The following LIN7A variants were observed in gnomAD, a reference collection of about 807,000 sequenced individuals.
LIN7A encodes the protein protein lin-7 homolog A.
Under a neutral mutation model 29.8 loss-of-function variants are expected in LIN7A, and 25 were observed. That is an observed-to-expected ratio of 0.84 (90% CI 0.61 to 1.17). LIN7A has a LOEUF of 1.17. Among genes scored for constraint, LIN7A ranks in the 50% most tolerant of loss-of-function variants. LIN7A has a pLI of 0.00. For missense variants in LIN7A, 239 were observed against 287.0 expected, an observed-to-expected ratio of 0.83 and a Z score of 1.21; for synonymous variants, 118 against 107.5, an observed-to-expected ratio of 1.10 and a Z score of -0.60.
intron 5 of LIN7A, among the ~76,000 whole-genome samples, chr12:80,805,515 C>T (rs957514186): frequency 6.6e-6 from 1 of 152,080 alleles, no homozygotes; most frequent in African/African-American, 2.4e-5. Context: ...ATTCTCCACC[C>T]TAGATCTAGC....
chr12:80,820,411 A>C (rs1871742190), intron 4 of LIN7A, among the ~76,000 whole-genome samples: 1 of 152,224 alleles, frequency 6.6e-6, no homozygotes, highest in South Asian at 2.1e-4. Flanking sequence ...GAAAACGAGC[A>C]AAAAAGCTTT....
At chr12:80,807,080 T>TTTTTTTTTTTTTTTTTTTTGTTTTTTG (rs1565883886) in intron 5 of LIN7A, among the ~76,000 whole-genome samples, 1 of 134,686 alleles carries the variant, frequency 7.4e-6, no homozygotes, top group African/African-American at 2.8e-5. Flanking sequence ...TTTTTTTTTT[T>TTTTTTTTTTTTTTTTTTTTGTTTTTTG]TTTTTTTTTT....
intron 1 of LIN7A, among the ~76,000 whole-genome samples, chr12:80,906,789 C>A (rs2120770204): frequency 1.3e-5 from 2 of 152,070 alleles, no homozygotes; most frequent in Middle Eastern, 6.8e-3. Context: ...AGCCATGTAA[C>A]AAACCTGCAT....
At chr12:80,801,355 G>T (rs932460041) in intron 5 of LIN7A, among the ~76,000 whole-genome samples, 2 of 152,148 alleles carry the variant, frequency 1.3e-5, no homozygotes, top group African/African-American at 2.4e-5. Flanking sequence ...TCAGAGAAAT[G>T]CAATGTGAGA....
intron 1 of LIN7A, among the ~76,000 whole-genome samples, chr12:80,913,985 C>G (rs775391966): frequency 6.6e-6 from 1 of 152,162 alleles, no homozygotes; most frequent in Non-Finnish European, 1.5e-5. Flanking sequence ...GTTGTTTCCC[C>G]CACATCTTAA....
chr12:80,907,402 T>C (rs917126063), intron 1 of LIN7A, among the ~76,000 whole-genome samples: 1 of 152,188 alleles, frequency 6.6e-6, no homozygotes, highest in Non-Finnish European at 1.5e-5. Flanking sequence ...TTCCTTTCAT[T>C]GTCATCCACT....
At chr12:80,876,120 G>C (rs1032567797) in intron 2 of LIN7A, among the ~76,000 whole-genome samples, 8 of 152,046 alleles carry the variant, frequency 5.3e-5, no homozygotes, top group African/African-American at 1.9e-4. Flanking sequence ...GAGACAGAGA[G>C]AGAGAGTGAC....
chr12:80,896,002 C>T (rs1875871870), intron 1 of LIN7A, among the ~76,000 whole-genome samples: 1 of 152,148 alleles, frequency 6.6e-6, no homozygotes, highest in African/African-American at 2.4e-5. Flanking sequence ...AGCTAGCTGC[C>T]AGGAGAGCAG....
chr12:80,811,628 T>C lies in LIN7A; in HGVS notation c.539A>G (p.Asp180Gly). The change falls in exon 5 of 6, where the codon GAC (aspartate) becomes GGC (glycine). Residue 180 changes from aspartate (D) to glycine (G), a missense_variant. Coordinates refer to ENST00000552864, the MANE Select transcript of LIN7A (RefSeq NM_004664.4). ...GTATCGCACCACCAGCTTGACGCTG[T>C]CTTTAGCAGCCTTGAGTAGTTCCAC... is the stretch of plus-strand genomic sequence containing the variant. ...KAVELLKAAK[D>G]SVKLVVRYTP... The C allele has an allele frequency of 6.2e-7, 1 of 1,614,074 alleles. No individual in the cohort carries two copies. Among genetic ancestry groups the C allele is most frequent in the Non-Finnish European group, 8.5e-7 (1 of 1,179,940 alleles).
chr12:80,801,773 CTT>C (rs1276651032), intron 5 of LIN7A, among the ~76,000 whole-genome samples: 1 of 152,116 alleles, frequency 6.6e-6, no homozygotes, highest in Non-Finnish European at 1.5e-5. Flanking sequence ...ATCACTAAAG[CTT>C]ATTCCTCCTG....
At chr12:80,823,915 A>G (rs1045305392) in intron 4 of LIN7A, among the ~76,000 whole-genome samples, 3 of 152,200 alleles carry the variant, frequency 2.0e-5, no homozygotes, top group African/African-American at 7.2e-5. Flanking sequence ...TGCCTACATC[A>G]AAAAGTCTGA....
chr12:80,834,747 A>G (rs1872533993), intron 4 of LIN7A, among the ~76,000 whole-genome samples: 1 of 152,226 alleles, frequency 6.6e-6, no homozygotes, highest in Non-Finnish European at 1.5e-5. Context: ...TCTGATTGCC[A>G]TATGTATCAG....
intron 4 of LIN7A, among the ~76,000 whole-genome samples, chr12:80,833,021 T>G (rs112173639): frequency 6.6e-6 from 1 of 152,068 alleles, no homozygotes; most frequent in African/African-American, 2.4e-5. Context: ...ATTTCAAGGG[T>G]GAGAAATCCT....
intron 4 of LIN7A, among the ~76,000 whole-genome samples, chr12:80,843,831 T>A (rs1872935277): frequency 6.6e-6 from 1 of 152,084 alleles, no homozygotes; most frequent in African/African-American, 2.4e-5. Flanking sequence ...AACTGCCGCC[T>A]CCCAGGTATA....
chr12:80,891,291 T>C (rs1592928790), intron 1 of LIN7A, among the ~76,000 whole-genome samples: 1 of 152,192 alleles, frequency 6.6e-6, no homozygotes, highest in Non-Finnish European at 1.5e-5. Context: ...ATTATTATTC[T>C]CCTGCACATC....
chr12:80,904,306 G>A (rs1876366543), intron 1 of LIN7A, among the ~76,000 whole-genome samples: 1 of 151,936 alleles, frequency 6.6e-6, no homozygotes, highest in South Asian at 2.1e-4. Context: ...ATGTTTTTAT[G>A]GTGAGAACAC....
At chr12:80,808,318 C>T (rs1482684366) in intron 5 of LIN7A, among the ~76,000 whole-genome samples, 3 of 152,136 alleles carry the variant, frequency 2.0e-5, no homozygotes, top group Non-Finnish European at 2.9e-5. Flanking sequence ...CTGCAAAGTA[C>T]TGGTCCCAAT....
At chr12:80,823,252 C>T (rs1030273541) in intron 4 of LIN7A, among the ~76,000 whole-genome samples, 7 of 152,184 alleles carry the variant, frequency 4.6e-5, no homozygotes, top group African/African-American at 9.7e-5. Flanking sequence ...TTGCTCATAA[C>T]GTTGTGGGTG....
At chr12:80,895,162 A>G (rs1875821237) in intron 1 of LIN7A, among the ~76,000 whole-genome samples, 1 of 152,258 alleles carries the variant, frequency 6.6e-6, no homozygotes, top group African/African-American at 2.4e-5. Context: ...CAATGTGTTT[A>G]TAGTGATAAC....
Sources: allele counts gnomAD v4.1 joint callset (sites outside exome capture counted in the v4.1 genomes callset), GRCh38; gene constraint gnomAD v4.1.1; transcripts MANE v1.5; gene names NCBI Gene and HGNC (gene_info 2026-07-23, HGNC 2026-07-21).